The following PAPPA2 variants were observed in gnomAD, a reference collection of about 807,000 sequenced individuals.
PAPPA2 encodes pappalysin 2, also known as pappalysin-2.
PAPPA2 carries 86 observed loss-of-function variants against 176.4 expected under a neutral mutation model. That is an observed-to-expected ratio of 0.49 (90% CI 0.41 to 0.58). PAPPA2 has a LOEUF of 0.58. Ranked by LOEUF, PAPPA2 falls within the 20% of genes least tolerant of loss-of-function variation. The probability of loss-of-function intolerance (pLI) is 0.00; values close to 1 mark genes in which losing one functional copy is unlikely to be tolerated. For missense variants in PAPPA2, 2,073 were observed against 2,256.9 expected (o/e 0.92, Z 1.65); for synonymous variants, 809 against 852.2 (o/e 0.95, Z 0.88).
chr1:176,767,991 A>T (rs1664055655), intron 15 of PAPPA2, among the ~76,000 whole-genome samples: 1 of 152,198 alleles, frequency 6.6e-6, no homozygotes, highest in African/African-American at 2.4e-5. Context: ...AGGAGCAGCT[A>T]GCCAGGAGTT....
intron 17 of PAPPA2, among the ~76,000 whole-genome samples, chr1:176,784,690 G>A (rs1419694660): frequency 4.0e-5 from 6 of 151,584 alleles, no homozygotes; most frequent in Non-Finnish European, 7.4e-5. Flanking sequence ...AGGTTCAAGC[G>A]ATTCTTCTGC....
intron 1 of PAPPA2, among the ~76,000 whole-genome samples, chr1:176,540,058 G>A (rs1430225736): frequency 6.6e-6 from 1 of 152,184 alleles, no homozygotes; most frequent in African/African-American, 2.4e-5. Context: ...AAGAAAGGGA[G>A]GGACCATTTG....
chr1:176,739,534 G>C (rs765345638), intron 12 of PAPPA2, 92 bp from the exon 13 acceptor site: 33 of 1,342,568 alleles, frequency 2.5e-5, no homozygotes, highest in Non-Finnish European at 3.0e-5. Context: ...TTTATAAATA[G>C]TGAGCTCTCT....
At position 176,570,558 on chromosome 1, in the gene PAPPA2, C is replaced by G. The variant is rs547173815; in HGVS notation, c.919+13317C>G. ...TGAAATAATTGCACAATAGAATATT[C>G]TTATAATCCTTATAATACAACCCAT... On this transcript the variant is annotated intron_variant, in intron 2 of 22. Coordinates refer to ENST00000367662, the MANE Select transcript of PAPPA2 (RefSeq NM_020318.3). Among the ~76,000 whole-genome samples the G allele has an allele frequency of 7.4e-4, 113 of 151,968 alleles. 1 individual carries two copies. The highest frequency in any genetic ancestry group is 1.1e-3 in the Non-Finnish European group (78 of 67,968).
chr1:176,736,136 G>A (rs981958450), intron 12 of PAPPA2, among the ~76,000 whole-genome samples: 1 of 152,016 alleles, frequency 6.6e-6, no homozygotes, highest in African/African-American at 2.4e-5. Flanking sequence ...TTTTAGGAGA[G>A]CTTTGTCATT....
At chr1:176,554,270 G>A (rs186532358) in intron 1 of PAPPA2, among the ~76,000 whole-genome samples, 8 of 152,276 alleles carry the variant, frequency 5.3e-5, no homozygotes, top group Admixed American at 5.2e-4. Flanking sequence ...CAGAGTATGT[G>A]GACTGCATGT....
At chr1:176,672,686 T>G (rs551498600) in intron 4 of PAPPA2, among the ~76,000 whole-genome samples, 1 of 151,828 alleles carries the variant, frequency 6.6e-6, no homozygotes, top group East Asian at 1.9e-4. Context: ...TACCAGAAAA[T>G]GGAGGCTATA....
chr1:176,621,371 A>G (rs1641241685), intron 3 of PAPPA2, among the ~76,000 whole-genome samples: 1 of 152,208 alleles, frequency 6.6e-6, no homozygotes, highest in South Asian at 2.1e-4. Context: ...CCTTGGGCAC[A>G]GTGATAGACA....
At chr1:176,722,670 A>C (rs1168786547) in intron 12 of PAPPA2, among the ~76,000 whole-genome samples, 1 of 152,148 alleles carries the variant, frequency 6.6e-6, no homozygotes, top group Admixed American at 6.6e-5. Context: ...CTAAAGTAGC[A>C]CAGAATATTA....
chr1:176,597,250 G>A (rs1654036337), intron 3 of PAPPA2, among the ~76,000 whole-genome samples: 1 of 152,220 alleles, frequency 6.6e-6, no homozygotes, highest in Non-Finnish European at 1.5e-5. Flanking sequence ...GTAAACTAGG[G>A]ATGATTGCAG....
intron 1 of PAPPA2, among the ~76,000 whole-genome samples, chr1:176,471,423 TA>T (rs890990203): frequency 2.0e-5 from 3 of 152,134 alleles, no homozygotes; most frequent in African/African-American, 4.8e-5. Context: ...AAAGCCTTTT[TA>T]AAAAAATTAT....
chr1:176,797,544 G>T (rs1665499838), intron 20 of PAPPA2, among the ~76,000 whole-genome samples: 1 of 152,108 alleles, frequency 6.6e-6, no homozygotes, highest in South Asian at 2.1e-4. Context: ...CTAGTCAGGA[G>T]GCTGACGCAG....
intron 21 of PAPPA2, among the ~76,000 whole-genome samples, chr1:176,810,950 C>T (rs1666122247): frequency 6.6e-6 from 1 of 152,226 alleles, no homozygotes. Flanking sequence ...CTGTTCCCCT[C>T]AGCTTCATAA....
At chr1:176,835,810 G>T (rs1231240476) in intron 21 of PAPPA2, among the ~76,000 whole-genome samples, 1 of 152,136 alleles carries the variant, frequency 6.6e-6, no homozygotes, top group Non-Finnish European at 1.5e-5. Flanking sequence ...GAGCCACTGT[G>T]CCTGGCAGTC....
chr1:176,483,297 T>A (rs778479162), intron 1 of PAPPA2, among the ~76,000 whole-genome samples: 1 of 152,046 alleles, frequency 6.6e-6, no homozygotes, highest in East Asian at 1.9e-4. Flanking sequence ...AGAATTGTTT[T>A]ATGCTAGCCT....
In PAPPA2 at chr1:176,594,668, G is replaced by A; in HGVS notation, c.1064G>A (p.Ser355Asn). 2 of 1,614,198 alleles carry A rather than the reference G, an allele frequency of 1.2e-6. No homozygotes were observed. Among genetic ancestry groups the A allele is most frequent in the South Asian group, 2.2e-5 (2 of 91,078 alleles). ...DRVKKATILISHSRYQPGTWT... is the reference protein window; with the variant it reads ...DRVKKATILINHSRYQPGTWT... Reference sequence around the variant, plus strand: ...GTGAAGAAAGCCACCATCTTGATTAGCCACAGTCGCTACCAACCAGGCACA... The same window carrying A: ...GTGAAGAAAGCCACCATCTTGATTAACCACAGTCGCTACCAACCAGGCACA... The change falls in exon 3 of 23, where the codon AGC (serine) becomes AAC (asparagine). Residue 355 changes from serine (S) to asparagine (N), a missense_variant. Physicochemically the swap from Ser to Asn is conservative, Grantham distance 46 (BLOSUM62 1). Transcript: ENST00000367662.
chr1:176,842,177 T>G (rs944754481), intron 22 of PAPPA2, among the ~76,000 whole-genome samples: 9 of 152,146 alleles, frequency 5.9e-5, no homozygotes, highest in Admixed American at 5.2e-4. Flanking sequence ...ATGAGGAAAG[T>G]GAAGCAAGGA....
At chr1:176,704,830 C>T (rs900016304) in intron 9 of PAPPA2, among the ~76,000 whole-genome samples, 6 of 152,008 alleles carry the variant, frequency 3.9e-5, no homozygotes, top group Non-Finnish European at 7.4e-5. Context: ...TTTATACTGA[C>T]TGCAGATTGA....
At chr1:176,489,549 T>C (rs1213579125) in intron 1 of PAPPA2, among the ~76,000 whole-genome samples, 1 of 152,184 alleles carries the variant, frequency 6.6e-6, no homozygotes, top group Non-Finnish European at 1.5e-5. Flanking sequence ...CAGCTGTCCA[T>C]ATGTTGGAGT....
Sources: allele counts gnomAD v4.1 joint callset (sites outside exome capture counted in the v4.1 genomes callset), GRCh38; gene constraint gnomAD v4.1.1; transcripts MANE v1.5; gene names NCBI Gene and HGNC (gene_info 2026-07-23, HGNC 2026-07-21).